TRIM28: variants seen among roughly 807,000 people sequenced by gnomAD.
The protein encoded by TRIM28 is transcription intermediary factor 1-beta.
TRIM28 carries 8 observed loss-of-function variants against 87.4 expected under a neutral mutation model. The observed-to-expected ratio is 0.09, with a 90% CI of 0.05 to 0.17. The LOEUF (loss-of-function observed/expected upper bound fraction) is 0.17, where lower values mean the gene tolerates loss of function less well. TRIM28 is among the 10% of genes least tolerant of loss of function. The probability of loss-of-function intolerance (pLI) is 1.00; values close to 1 mark genes in which losing one functional copy is unlikely to be tolerated. For synonymous variants in TRIM28, 601 were observed against 454.3 expected (o/e 1.32, Z -4.11); for missense variants, 968 against 1,131.8 (o/e 0.86, Z 2.08).
intron 3 of TRIM28, chr19:58,546,988 C>G (rs954581727): frequency 5.8e-6 from 1 of 173,856 alleles, no homozygotes; most frequent in Non-Finnish European, 1.2e-5. Context: ...GAAAAGGAAT[C>G]CAGGGTGGTG....
intron 3 of TRIM28, among the ~76,000 whole-genome samples, chr19:58,546,741 C>T (rs370743633): frequency 6.6e-6 from 1 of 152,128 alleles, no homozygotes; most frequent in Admixed American, 6.6e-5. Context: ...GATCAGTTTT[C>T]TAATGGGGAG....
chr19:58,547,405 A>G lies in TRIM28; in HGVS notation c.616A>G (p.Thr206Ala), dbSNP rs1279372762. 4.3e-6 allele frequency: 7 copies of G among 1,613,858 alleles called. No individual in the cohort carries two copies. The highest frequency in any genetic ancestry group is 1.3e-5 in the African/African-American group (1 of 74,884). ...AGCCAAGTCTCGGGATGGTGAACGT[A>G]CTGTCTATTGCAACGTACACAAGCA... ...GPAKSRDGER[T>A]VYCNVHKHEP... The change falls in exon 4 of 17, where the codon ACT (threonine) becomes GCT (alanine). Residue 206 changes from threonine to alanine, a missense_variant. By Grantham distance (58) the Thr-to-Ala change is moderately conservative (BLOSUM62 0). Transcript: ENST00000253024.
rs1364452104 is a variant in TRIM28, at chr19:58,544,483, C to CGGTTGT, written c.-273_-268dup. 6.6e-6 allele frequency: 1 copy of CGGTTGT among 152,388 alleles called. No individual in the cohort carries two copies. The highest frequency in any genetic ancestry group is 2.4e-5 in the African/African-American group (1 of 41,390). 9.4% of individuals were successfully genotyped at this position (152,388 alleles called of 1,614,324 possible). A position where few individuals can be genotyped will look rare whatever the true frequency, so the allele number is the denominator to read the frequency against. ...TTCTGCGAGCGGGCGCGCGGGCGAGCGGTTGTGCTTGTGCTTGTGGCGCGT... is the reference window on the plus strand; with the variant it reads ...TTCTGCGAGCGGGCGCGCGGGCGAGCGGTTGTGGTTGTGCTTGTGCTTGTGGCGCGT... On this transcript the variant is annotated 5_prime_UTR_variant, in exon 1 of 17. Transcript: ENST00000253024.
chr19:58,545,790 C>G lies in TRIM28; in HGVS notation c.480C>G (p.Ala160=). Residue 160 remains alanine (A), a synonymous_variant, in exon 3 of 17, where the codon GCC becomes GCG. Coordinates refer to ENST00000253024, the MANE Select transcript of TRIM28 (RefSeq NM_005762.3). ...GCTGCACTAGCTGTGAGGATAATGC[C>G]CCAGCCACCAGCTACTGTGTGGAGT... ...NQCCTSCEDN[A]PATSYCVECS... 6.2e-7 allele frequency: 1 copy of G among 1,611,462 alleles called. No individual in the cohort carries two copies. Among genetic ancestry groups the G allele is most frequent in the Non-Finnish European group, 8.5e-7 (1 of 1,178,732 alleles).
rs758415956 is a variant in TRIM28 at position 58,545,781 on chromosome 19, G to T, written c.471G>T (p.Glu157Asp). 1.2e-6 allele frequency: 2 copies of T among 1,609,980 alleles called. No homozygotes were observed. The highest frequency in any genetic ancestry group is 1.7e-6 in the Non-Finnish European group (2 of 1,177,432). ...QDANQCCTSCEDNAPATSYCV... is the reference protein window; with the variant it reads ...QDANQCCTSCDDNAPATSYCV... ...TCTGGCAGTGCTGCACTAGCTGTGA[G>T]GATAATGCCCCAGCCACCAGCTACT... Residue 157 changes from glutamate (E) to aspartate (D), a missense_variant, in exon 3 of 17, where the codon GAG becomes GAT. By Grantham distance (45) the Glu-to-Asp change is conservative. Coordinates refer to ENST00000253024, the MANE Select transcript of TRIM28 (RefSeq NM_005762.3).
rs1356177941 is a variant in TRIM28, at chr19:58,544,762, C to T, written c.5C>T (p.Ala2Val). The T allele has an allele frequency of 8.9e-7, 1 of 1,123,218 alleles. No homozygotes were observed. The highest frequency in any genetic ancestry group is 1.1e-6 in the Non-Finnish European group (1 of 920,584). The allele number at this position is 1,123,218 out of a possible 1,614,324, so 69.6% of individuals were successfully genotyped here. A position where few individuals can be genotyped will look rare whatever the true frequency, so the allele number is the denominator to read the frequency against. ...GGCGCCCCCGGCGGCGTGTGAATGG[C>T]GGCCTCCGCGGCGGCAGCCTCGGCA... MAASAAAASAAA... is the reference protein window; with the variant it reads MVASAAAASAAA... Residue 2 changes from alanine to valine, a missense_variant, in exon 1 of 17, where the codon GCG (alanine) becomes GTG (valine). Coordinates refer to ENST00000253024, the MANE Select transcript of TRIM28 (RefSeq NM_005762.3).
rs1600082037 is a variant in TRIM28, at chr19:58,548,153, C to T, written c.1074C>T (p.Asn358=). The T allele has an allele frequency of 2.5e-6, 4 of 1,614,236 alleles. No individual in the cohort carries two copies. Among genetic ancestry groups the T allele is most frequent in the African/African-American group, 1.3e-5 (1 of 75,058 alleles). ...FASWALESDN[N]TALLLSKKLI... is the part of the protein sequence containing the mutation. ...CTTGGGCTCTGGAGAGTGACAACAA[C>T]ACAGCCCTTTTGCTTTCTAAGAAGT... is the stretch of plus-strand genomic sequence containing the variant. Residue 358 remains asparagine (N), a synonymous_variant, in exon 7 of 17, where the codon AAC becomes AAT. Coordinates refer to ENST00000253024, the MANE Select transcript of TRIM28 (RefSeq NM_005762.3).
At position 58,545,909 on chromosome 19, in the gene TRIM28, G is replaced by GA. The variant is rs2053757302; in HGVS notation, c.586+14dup. On this transcript the variant is annotated intron_variant, in intron 3 of 16. Coordinates refer to ENST00000253024, the MANE Select transcript of TRIM28 (RefSeq NM_005762.3). ...GTGCGCTCTACTGGTACATGAGGCT[G>GA]AGGGGGGCTGTTGGAGTTGTTCTCC... 1 of 1,577,996 alleles carries GA rather than the reference G, an allele frequency of 6.3e-7. No homozygotes were observed. Among genetic ancestry groups the GA allele is most frequent in the Non-Finnish European group, 8.7e-7 (1 of 1,154,206 alleles).
rs757143187 is a variant in TRIM28 at position 58,545,791 on chromosome 19, C to T, written c.481C>T (p.Pro161Ser). 3.7e-6 allele frequency: 6 copies of T among 1,611,388 alleles called. No homozygotes were observed. In the Admixed American group the frequency reaches 5.0e-5, roughly 13 times the overall value. The change falls in exon 3 of 17, where the codon CCA (proline) becomes TCA (serine). Residue 161 changes from proline (P) to serine (S), a missense_variant. By Grantham distance (74) the Pro-to-Ser change is moderately conservative. This residue lies in a region of TRIM28 where 51 missense variants were observed against 69.3 expected (regional missense o/e 0.74). Coordinates refer to ENST00000253024, the MANE Select transcript of TRIM28 (RefSeq NM_005762.3). ...QCCTSCEDNA[P>S]ATSYCVECSE... ...CTGCACTAGCTGTGAGGATAATGCCCCAGCCACCAGCTACTGTGTGGAGTG... is the reference window on the plus strand; with the variant it reads ...CTGCACTAGCTGTGAGGATAATGCCTCAGCCACCAGCTACTGTGTGGAGTG...
chr19:58,547,205 C>T, intron 3 of TRIM28, 171 bp from the exon 4 acceptor site: 1 of 685,670 alleles, frequency 1.5e-6, no homozygotes, highest in Non-Finnish European at 2.4e-6. Flanking sequence ...ATTCTGGGAG[C>T]AAGGAGTTGG....
Position 58,549,481 on chromosome 19 carries a change from G to T in TRIM28, c.1813G>T (p.Val605Leu). The T allele has an allele frequency of 6.2e-7, 1 of 1,613,684 alleles. No homozygotes were observed. The highest frequency in any genetic ancestry group is 1.7e-5 in the Admixed American group (1 of 60,020). The stretch of plus-strand genomic sequence containing the variant: ...TGGCAGCACCAGCTCAGGGCTGGAG[G>T]TGGTGGCTCCTGAGGGTACCTCAGC... The part of the protein sequence containing the change: ...PSGSTSSGLE[V>L]VAPEGTSAPG... Residue 605 changes from valine to leucine, a missense_variant, in exon 13 of 17, where the codon GTG becomes TTG. Physicochemically the swap from Val to Leu is conservative, Grantham distance 32. Around this residue, in one of 11 missense-constraint regions of TRIM28, gnomAD observed 164 missense variants for 146.2 expected, o/e 1.12. Coordinates refer to ENST00000253024, the MANE Select transcript of TRIM28 (RefSeq NM_005762.3). The surrounding 1 kb of genome is among the most constrained non-coding windows in gnomAD (Gnocchi z 4.4).
Position 58,548,914 on chromosome 19 carries a change from AGTAT to A in TRIM28, c.1409+6_1409+9del. The A allele has an allele frequency of 6.2e-7, 1 of 1,614,044 alleles. No individual in the cohort carries two copies. Among genetic ancestry groups the A allele is most frequent in the Non-Finnish European group, 8.5e-7 (1 of 1,179,986 alleles). On this transcript the variant is annotated splice_donor_5th_base_variant and intron_variant, in intron 11 of 16. Coordinates refer to ENST00000253024, the MANE Select transcript of TRIM28 (RefSeq NM_005762.3). ...CCCATGTGTCAGGTGTGAAACGGTAAGTATGGCACCTCCCCTGGGGGTGAGGTGG... is the reference window on the plus strand; with the variant it reads ...CCCATGTGTCAGGTGTGAAACGGTAAGGCACCTCCCCTGGGGGTGAGGTGG...
Position 58,545,790 on chromosome 19 carries a change from C to T in TRIM28, c.480C>T (p.Ala160=). ...GCTGCACTAGCTGTGAGGATAATGCCCCAGCCACCAGCTACTGTGTGGAGT... is the reference window on the plus strand; with the variant it reads ...GCTGCACTAGCTGTGAGGATAATGCTCCAGCCACCAGCTACTGTGTGGAGT... The part of the protein sequence containing the change: ...NQCCTSCEDN[A]PATSYCVECS... Residue 160 remains alanine (A), a synonymous_variant, in exon 3 of 17, where the codon GCC becomes GCT. Transcript: ENST00000253024. The T allele has an allele frequency of 6.2e-7, 1 of 1,611,462 alleles. No individual in the cohort carries two copies. Among genetic ancestry groups the T allele is most frequent in the African/African-American group, 1.3e-5 (1 of 75,022 alleles).
In TRIM28 at chr19:58,547,013, T is replaced by C. The variant is rs569463277; in HGVS notation, c.587-363T>C. ...CCAGGGTGGTGTGTAGGCAGAATTC[T>C]GAGTATGTCCACTTGGAGAAGTGTT... On this transcript the variant is annotated intron_variant, in intron 3 of 16. Transcript: ENST00000253024. 33 of 180,152 alleles carry C rather than the reference T, an allele frequency of 1.8e-4. No individual in the cohort carries two copies. The South Asian group carries it at 3.2e-3, about 17-fold the overall frequency. The allele number at this position is 180,152 out of a possible 1,614,324, so 11.2% of individuals were successfully genotyped here.
Position 58,545,458 on chromosome 19 carries a change from T to C in TRIM28, c.374T>C (p.Phe125Ser). The C allele has an allele frequency of 6.2e-7, 1 of 1,612,438 alleles. No individual in the cohort carries two copies. The highest frequency in any genetic ancestry group is 8.5e-7 in the Non-Finnish European group (1 of 1,179,666). The part of the protein sequence containing the change: ...VDCPVCKQQC[F>S]SKDIVENYFM... ...TGTCCCGTGTGCAAGCAACAGTGCT[T>C]CTCCAAAGACATCGTGGAGAATTAT... The change falls in exon 2 of 17, where the codon TTC becomes TCC. Residue 125 changes from phenylalanine to serine, a missense_variant. By Grantham distance (155) the Phe-to-Ser change is radical. Around this residue, in one of 11 missense-constraint regions of TRIM28, gnomAD observed 51 missense variants for 69.3 expected, o/e 0.74. Coordinates refer to ENST00000253024, the MANE Select transcript of TRIM28 (RefSeq NM_005762.3).
intron 5 of TRIM28, 29 bp downstream of exon 5, chr19:58,547,742 T>A (rs1271124817): frequency 6.2e-7 from 1 of 1,613,582 alleles, no homozygotes; most frequent in Non-Finnish European, 8.5e-7. Flanking sequence ...GCTGTGGGGG[T>A]GGCCCAGGGC....
At chr19:58,547,758 G>C in intron 5 of TRIM28, 34 bp from the exon 6 acceptor site, 1 of 1,613,918 alleles carries the variant, frequency 6.2e-7, no homozygotes. Flanking sequence ...AGGGCAGCAA[G>C]ACCCTACCTA....
Position 58,545,557 on chromosome 19 carries a change from C to A in TRIM28, c.453+20C>A. 1 of 1,589,864 alleles carries A rather than the reference C, an allele frequency of 6.3e-7. No individual in the cohort carries two copies. The highest frequency in any genetic ancestry group is 8.6e-7 in the Non-Finnish European group (1 of 1,160,516). ...AACCAGGTGCGTCCTATCTCAGCAACCACAAGGAGGTTTCTGGGGAGGGGG... is the reference window on the plus strand; with the variant it reads ...AACCAGGTGCGTCCTATCTCAGCAAACACAAGGAGGTTTCTGGGGAGGGGG... On this transcript the variant is annotated intron_variant, in intron 2 of 16. Coordinates refer to ENST00000253024, the MANE Select transcript of TRIM28 (RefSeq NM_005762.3).
rs1475557438 is a variant in TRIM28 at position 58,548,742 on chromosome 19, C to T, written c.1326C>T (p.Pro442=). The change falls in exon 10 of 17, where the codon CCC becomes CCT. Residue 442 remains proline, a splice_region_variant and synonymous_variant. Coordinates refer to ENST00000253024, the MANE Select transcript of TRIM28 (RefSeq NM_005762.3). ...AGAGGGTTCTGCTTTGTTCACAGCC[C>T]ATGGAGGTGCAGGAAGGCTATGGCT... The part of the protein sequence containing the change: ...LSKQGSGSSQ[P]MEVQEGYGFG... 6.2e-7 allele frequency: 1 copy of T among 1,613,780 alleles called. No individual in the cohort carries two copies. Among genetic ancestry groups the T allele is most frequent in the Non-Finnish European group, 8.5e-7 (1 of 1,179,994 alleles).
Sources: gnomAD v4.1 joint callset for allele counts (sites outside exome capture counted in the v4.1 genomes callset) on GRCh38, gnomAD v4.1.1 for gene constraint, gnomAD v4.1.1 regional missense constraint, Gnocchi (gnomAD v3.1) non-coding constraint, MANE v1.5 for transcripts, NCBI Gene and HGNC (gene_info 2026-07-23, HGNC 2026-07-21) for gene names.